The following PSMA1 variants were observed in gnomAD, a reference collection of about 807,000 sequenced individuals.
PSMA1 encodes the protein proteasome 20S subunit alpha 1.
PSMA1 carries 3 observed loss-of-function variants against 38.4 expected under a neutral mutation model. The ratio of observed to expected loss-of-function variants is 0.08; its 90% CI spans 0.04 to 0.20. PSMA1 has a LOEUF of 0.20. Ranked by LOEUF, PSMA1 falls within the 10% of genes least tolerant of loss-of-function variation. PSMA1 has a pLI of 1.00. For missense variants in PSMA1, 227 were observed against 325.3 expected (o/e 0.70, Z 2.32); for synonymous variants, 101 against 107.1 (o/e 0.94, Z 0.35).
intron 1 of PSMA1, among the ~76,000 whole-genome samples, chr11:14,618,496 T>A (rs898077783): frequency 2.0e-5 from 3 of 152,232 alleles, no homozygotes; most frequent in Non-Finnish European, 4.4e-5. Context: ...CAAGCCTGTA[T>A]GTTTTGTACC....
At chr11:14,613,522 G>C (rs1188390739) in intron 1 of PSMA1, among the ~76,000 whole-genome samples, 1 of 152,046 alleles carries the variant, frequency 6.6e-6, no homozygotes, top group African/African-American at 2.4e-5. Flanking sequence ...CCAAAGTGCT[G>C]GGATTATAGG....
chr11:14,608,502 G>A (rs1440199952), intron 2 of PSMA1, among the ~76,000 whole-genome samples: 3 of 150,440 alleles, frequency 2.0e-5, no homozygotes, highest in Non-Finnish European at 4.4e-5. Context: ...CATGGCACAT[G>A]TATACATATA....
chr11:14,550,057 T>G (rs1851869129), intron 2 of PSMA1, among the ~76,000 whole-genome samples: 1 of 152,202 alleles, frequency 6.6e-6, no homozygotes, highest in South Asian at 2.1e-4. Flanking sequence ...TCATTATTTG[T>G]AATCATGCTG....
intron 2 of PSMA1, among the ~76,000 whole-genome samples, chr11:14,605,313 T>A (rs1852629853): frequency 6.6e-6 from 1 of 152,166 alleles, no homozygotes; most frequent in Non-Finnish European, 1.5e-5. Flanking sequence ...ATGTGGAGCA[T>A]CTTTTCATGT....
chr11:14,536,554 CA>C (rs1408281556), intron 2 of PSMA1, among the ~76,000 whole-genome samples: 1 of 151,516 alleles, frequency 6.6e-6, no homozygotes, highest in Non-Finnish European at 1.5e-5. Context: ...GAAAAACAAA[CA>C]AAAAAACTCA....
At chr11:14,616,318 CACCT>C (rs978764125) in intron 1 of PSMA1, among the ~76,000 whole-genome samples, 2 of 147,648 alleles carry the variant, frequency 1.4e-5, no homozygotes, top group Non-Finnish European at 3.0e-5. Context: ...CTGCAACCTT[CACCT>C]ACCAGGCTCA....
upstream of PSMA1, among the ~76,000 whole-genome samples, chr11:14,523,960 G>A (rs1050590086): frequency 2.6e-5 from 4 of 151,544 alleles, no homozygotes; most frequent in African/African-American, 7.3e-5. Context: ...CTAGGTCAGC[G>A]AACATAGTAC....
chr11:14,508,150 G>C (rs1851278460), intron 8 of PSMA1, among the ~76,000 whole-genome samples: 1 of 152,126 alleles, frequency 6.6e-6, no homozygotes, highest in Non-Finnish European at 1.5e-5. Context: ...GTAGGCCTTA[G>C]TGGTTCCTGG....
At chr11:14,617,890 T>A (rs1026589971) in intron 1 of PSMA1, among the ~76,000 whole-genome samples, 1 of 152,124 alleles carries the variant, frequency 6.6e-6, no homozygotes, top group African/African-American at 2.4e-5. Flanking sequence ...AGAAGTACAG[T>A]GTGGAGGACA....
At chr11:14,636,685 A>G (rs1219417342) in intron 1 of PSMA1, among the ~76,000 whole-genome samples, 1 of 152,142 alleles carries the variant, frequency 6.6e-6, no homozygotes, top group Non-Finnish European at 1.5e-5. Context: ...GAAATCCATA[A>G]TCTTTACTCT....
At chr11:14,625,927 A>T (rs1340724355) in intron 1 of PSMA1, among the ~76,000 whole-genome samples, 2 of 152,224 alleles carry the variant, frequency 1.3e-5, no homozygotes, top group African/African-American at 4.8e-5. Flanking sequence ...CTAACGATAA[A>T]ATGGTAGGGT....
At chr11:14,553,843 G>T (rs974608603) in intron 2 of PSMA1, among the ~76,000 whole-genome samples, 1 of 152,166 alleles carries the variant, frequency 6.6e-6, no homozygotes, top group African/African-American at 2.4e-5. Flanking sequence ...GCCTAGGAAT[G>T]TGATTGCTAG....
At chr11:14,637,753 T>A (rs1241303048) in intron 1 of PSMA1, among the ~76,000 whole-genome samples, 1 of 152,210 alleles carries the variant, frequency 6.6e-6, no homozygotes, top group Non-Finnish European at 1.5e-5. Context: ...TTATAGTAAT[T>A]AGAACAGAGG....
At chr11:14,628,530 T>C (rs1286665300) in intron 1 of PSMA1, among the ~76,000 whole-genome samples, 2 of 150,482 alleles carry the variant, frequency 1.3e-5, no homozygotes, top group Non-Finnish European at 3.0e-5. Flanking sequence ...TATTCCATGG[T>C]GTATATGTGC....
chr11:14,642,639 T>G (rs1221933971), intron 1 of PSMA1, among the ~76,000 whole-genome samples: 1 of 152,186 alleles, frequency 6.6e-6, no homozygotes, highest in African/African-American at 2.4e-5. Context: ...AAATGTGGAA[T>G]TAGCTCTTTG....
chr11:14,591,804 G>A (rs1044121529), intron 2 of PSMA1, among the ~76,000 whole-genome samples: 6 of 152,264 alleles, frequency 3.9e-5, no homozygotes, highest in African/African-American at 1.2e-4. Context: ...AGCAGGATGT[G>A]GGTGGGGCCA....
chr11:14,578,845 T>C (rs1852249674), intron 2 of PSMA1, among the ~76,000 whole-genome samples: 1 of 152,242 alleles, frequency 6.6e-6, no homozygotes, highest in Non-Finnish European at 1.5e-5. Context: ...CTGGGAGAGC[T>C]TGTTTCACCA....
chr11:14,631,260 T>G (rs935672820), intron 1 of PSMA1, among the ~76,000 whole-genome samples: 19 of 152,280 alleles, frequency 1.2e-4, no homozygotes, highest in South Asian at 2.1e-4. Flanking sequence ...GTGATGTTAG[T>G]GTGTCAATTT....
intron 2 of PSMA1, among the ~76,000 whole-genome samples, chr11:14,562,949 A>C (rs1481014638): frequency 1.3e-5 from 2 of 152,154 alleles, no homozygotes; most frequent in African/African-American, 4.8e-5. Context: ...TTATCATTGC[A>C]TTAAATCTAT....
Sources: gnomAD v4.1 joint callset for allele counts (sites outside exome capture counted in the v4.1 genomes callset) on GRCh38, gnomAD v4.1.1 for gene constraint, MANE v1.5 for transcripts, NCBI Gene and HGNC (gene_info 2026-07-23, HGNC 2026-07-21) for gene names.